Variants in EXOC4 observed in about 807,000 individuals in gnomAD.
EXOC4 encodes SEC8-like 1.
In EXOC4, 71 loss-of-function variants were observed where a neutral mutation model predicts 107.2. That is an observed-to-expected ratio of 0.66 (90% CI 0.55 to 0.81). The LOEUF is 0.81. Ranked by LOEUF, EXOC4 falls within the 30% of genes least tolerant of loss-of-function variation. The pLI is 0.00. For missense variants in EXOC4, 1,108 were observed against 1,189.6 expected, an observed-to-expected ratio of 0.93 and a Z score of 1.01; for synonymous variants, 456 against 441.2, an observed-to-expected ratio of 1.03 and a Z score of -0.42.
intron 5 of EXOC4, among the ~76,000 whole-genome samples, chr7:133,354,658 G>A (rs1264086803): frequency 6.6e-6 from 1 of 152,116 alleles, no homozygotes; most frequent in African/African-American, 2.4e-5. Flanking sequence ...GTGATTAGAG[G>A]AAGCAATCAG....
intron 13 of EXOC4, among the ~76,000 whole-genome samples, chr7:133,929,509 CACTTTTTTG>C (rs1259430308): frequency 1.3e-5 from 2 of 151,954 alleles, no homozygotes; most frequent in African/African-American, 4.8e-5. Context: ...AAGCCATTTT[CACTTTTTTG>C]CCAATTTTAC....
At chr7:133,698,228 C>T (rs1251093855) in intron 10 of EXOC4, among the ~76,000 whole-genome samples, 3 of 152,002 alleles carry the variant, frequency 2.0e-5, no homozygotes, top group Non-Finnish European at 2.9e-5. Context: ...TGGGGGAATC[C>T]TGGTCTATTG....
chr7:133,574,505 T>C (rs1003021829), intron 9 of EXOC4, among the ~76,000 whole-genome samples: 1 of 152,174 alleles, frequency 6.6e-6, no homozygotes, highest in African/African-American at 2.4e-5. Flanking sequence ...ACTGGGTAAA[T>C]TGTTATATTT....
chr7:133,324,067 T>C (rs1219362770), intron 5 of EXOC4, among the ~76,000 whole-genome samples: 3 of 152,200 alleles, frequency 2.0e-5, no homozygotes, highest in African/African-American at 4.8e-5. Context: ...ATCCCCTTTG[T>C]CATTTTTTAT....
intron 7 of EXOC4, among the ~76,000 whole-genome samples, chr7:133,457,486 C>T (rs1798489880): frequency 1.3e-5 from 2 of 152,158 alleles, no homozygotes; most frequent in Admixed American, 1.3e-4. Context: ...GCTCAGCACA[C>T]CCATCTTCCT....
chr7:133,284,403 GA>G (rs768711480), intron 2 of EXOC4, among the ~76,000 whole-genome samples: 1 of 152,188 alleles, frequency 6.6e-6, no homozygotes, highest in Non-Finnish European at 1.5e-5. Context: ...TAGGATATCA[GA>G]AATCAGATTC....
chr7:134,069,402 AC>A (rs1796240945), downstream of EXOC4, among the ~76,000 whole-genome samples: 1 of 66,838 alleles, frequency 1.5e-5, no homozygotes, highest in Non-Finnish European at 2.9e-5. Flanking sequence ...TTCTCCCCCT[AC>A]TTCTCCTTCC....
intron 9 of EXOC4, among the ~76,000 whole-genome samples, chr7:133,619,984 CTGTGTGTGTG>C (rs34442997): frequency 6.3e-4 from 94 of 149,570 alleles, no homozygotes; most frequent in Non-Finnish European, 1.2e-3. Context: ...TCCCTGTTTT[CTGTGTGTGTG>C]TGTGTGTGTG....
At chr7:133,388,539 A>G (rs1198724529) in intron 7 of EXOC4, among the ~76,000 whole-genome samples, 1 of 152,042 alleles carries the variant, frequency 6.6e-6, no homozygotes, top group African/African-American at 2.4e-5. Flanking sequence ...AGTCTCAGCT[A>G]CTTGGGAGGC....
chr7:134,077,146 G>A, the EXOC4 span, among the ~76,000 whole-genome samples: 1 of 152,136 alleles, frequency 6.6e-6, no homozygotes, highest in African/African-American at 2.4e-5. Flanking sequence ...AACGAGTAGA[G>A]CCAGTGGTGT....
At chr7:133,502,822 A>G (rs530015709) in intron 9 of EXOC4, among the ~76,000 whole-genome samples, 2 of 152,304 alleles carry the variant, frequency 1.3e-5, no homozygotes, top group African/African-American at 4.8e-5. Flanking sequence ...TTGGACATCT[A>G]ATTTTCATGG....
At chr7:133,271,683 T>C (rs911574574) in intron 1 of EXOC4, among the ~76,000 whole-genome samples, 5 of 152,190 alleles carry the variant, frequency 3.3e-5, no homozygotes, top group African/African-American at 9.7e-5. Context: ...CCCATCTGCC[T>C]AACCCTTGTG....
chr7:134,018,912 G>A (rs1212362938), intron 17 of EXOC4, among the ~76,000 whole-genome samples: 4 of 151,864 alleles, frequency 2.6e-5, no homozygotes, highest in Non-Finnish European at 5.9e-5. Flanking sequence ...TACTTTCGAT[G>A]TATGTTTGTT....
intron 7 of EXOC4, among the ~76,000 whole-genome samples, chr7:133,450,243 A>G (rs1798311322): frequency 6.6e-6 from 1 of 152,098 alleles, no homozygotes; most frequent in South Asian, 2.1e-4. Flanking sequence ...AGCTCACTGC[A>G]GTCTCAAACT....
intron 4 of EXOC4, 32 bp from the exon 5 acceptor site, chr7:133,317,252 A>C (rs1487600032): frequency 2.0e-6 from 3 of 1,511,948 alleles, no homozygotes; most frequent in Non-Finnish European, 2.8e-6. Context: ...GTTTTGAAGA[A>C]AGTGGTAACT....
At chr7:133,769,770 T>C (rs1312840983) in intron 10 of EXOC4, among the ~76,000 whole-genome samples, 1 of 151,878 alleles carries the variant, frequency 6.6e-6, no homozygotes, top group African/African-American at 2.4e-5. Flanking sequence ...ATCATGAATG[T>C]TTAATATCCA....
intron 9 of EXOC4, among the ~76,000 whole-genome samples, chr7:133,578,617 G>A (rs1009595487): frequency 4.6e-5 from 7 of 152,262 alleles, no homozygotes; most frequent in Non-Finnish European, 1.0e-4. Flanking sequence ...GAGGATTATC[G>A]ATTAATTTGC....
chr7:133,706,731 T>G (rs1210246053), intron 10 of EXOC4, among the ~76,000 whole-genome samples: 1 of 152,190 alleles, frequency 6.6e-6, no homozygotes, highest in Non-Finnish European at 1.5e-5. Context: ...ACACCTCCAT[T>G]TGGACTAGCC....
At chr7:133,762,440 A>C (rs1286390588) in intron 10 of EXOC4, among the ~76,000 whole-genome samples, 1 of 152,190 alleles carries the variant, frequency 6.6e-6, no homozygotes, top group African/African-American at 2.4e-5. Flanking sequence ...TACTTCATCA[A>C]ATAGTAAACC....
Sources: allele counts gnomAD v4.1 joint callset (sites outside exome capture counted in the v4.1 genomes callset), GRCh38; gene constraint gnomAD v4.1.1; transcripts MANE v1.5; gene names NCBI Gene and HGNC (gene_info 2026-07-23, HGNC 2026-07-21).